The following ZFHX3 variants were observed in gnomAD, a reference collection of about 807,000 sequenced individuals.
The protein encoded by ZFHX3 is zinc finger homeobox protein 3.
ZFHX3 carries 42 observed loss-of-function variants against 279.1 expected under a neutral mutation model. That is an observed-to-expected ratio of 0.15 (90% CI 0.12 to 0.19). The LOEUF is 0.19. Among genes scored for constraint, ZFHX3 ranks in the 10% least tolerant of loss-of-function variants. ZFHX3 has a pLI of 1.00. For missense variants in ZFHX3, 4,981 were observed against 4,754.0 expected (o/e 1.05, Z -1.40); for synonymous variants, 2,293 against 1,957.8 (o/e 1.17, Z -4.52).
intron 1 of ZFHX3, among the ~76,000 whole-genome samples, chr16:73,004,269 T>G (rs1597079758): frequency 1.4e-5 from 2 of 140,176 alleles, no homozygotes; most frequent in African/African-American, 5.3e-5. Flanking sequence ...CCTCCCAAAG[T>G]GCTAGGATTA....
chr16:72,967,263 A>G (rs1961885637), intron 1 of ZFHX3, among the ~76,000 whole-genome samples: 2 of 152,208 alleles, frequency 1.3e-5, no homozygotes. Context: ...GGGCTGGAGC[A>G]GGAAAAGTTC....
At chr16:73,133,539 G>A (rs73593188) in intron 6 of ZFHX3, among the ~76,000 whole-genome samples, 5,043 of 152,216 alleles carry the variant, frequency 0.033, 285 homozygotes, top group African/African-American at 0.11. Context: ...AAGAAGAGGA[G>A]ATTCGGACAC....
chr16:73,535,001 C>T (rs1200044764), intron 2 of ZFHX3, among the ~76,000 whole-genome samples: 4 of 151,416 alleles, frequency 2.6e-5, no homozygotes, highest in South Asian at 2.1e-4. Context: ...TTTGATTAAG[C>T]GATGTGATGG....
intron 7 of ZFHX3, among the ~76,000 whole-genome samples, chr16:73,124,410 C>T (rs986498382): frequency 3.3e-5 from 5 of 152,198 alleles, no homozygotes; most frequent in Non-Finnish European, 7.3e-5. Flanking sequence ...AGCTCCACCC[C>T]TATGACCTAA....
rs140524635 is a variant in ZFHX3 at position 73,775,182 on chromosome 16, A to T, written c.-1607-94942T>A. The stretch of plus-strand genomic sequence containing the variant: ...AGAATATCCTTCTCAGGTTTAGCAC[A>T]GTCCCTCAAGGTAAGCACCTTCAAC... On this transcript the variant is annotated intron_variant, in intron 1 of 17. Coordinates refer to the ZFHX3 transcript ENST00000641206. Among the ~76,000 whole-genome samples the T allele has an allele frequency of 3.9e-5, 6 of 152,352 alleles. No homozygotes were observed. The East Asian group carries it at 1.2e-3, about 29-fold the overall frequency.
intron 2 of ZFHX3, among the ~76,000 whole-genome samples, chr16:73,523,282 C>T (rs2019637708): frequency 1.3e-5 from 2 of 152,216 alleles, no homozygotes; most frequent in Non-Finnish European, 2.9e-5. Context: ...ACAGCACCTG[C>T]TTGGTACAAT....
intron 3 of ZFHX3, among the ~76,000 whole-genome samples, chr16:73,327,255 A>G (rs2015709067): frequency 6.6e-6 from 1 of 152,148 alleles, no homozygotes; most frequent in African/African-American, 2.4e-5. Context: ...ATGGCATGTG[A>G]GCTGATTTTA....
At chr16:73,142,164 C>G (rs982029322) in intron 6 of ZFHX3, among the ~76,000 whole-genome samples, 4 of 152,160 alleles carry the variant, frequency 2.6e-5, no homozygotes, top group South Asian at 2.1e-4. Context: ...TCCTCTTAAC[C>G]AGCTGAGTGA....
At chr16:73,187,477 T>C (rs989618302) in intron 5 of ZFHX3, among the ~76,000 whole-genome samples, 2 of 152,120 alleles carry the variant, frequency 1.3e-5, no homozygotes, top group Non-Finnish European at 2.9e-5. Context: ...TTAAAAAAAC[T>C]GCAATGCCGA....
At chr16:73,273,995 T>G (rs2014225962) in intron 4 of ZFHX3, among the ~76,000 whole-genome samples, 2 of 152,026 alleles carry the variant, frequency 1.3e-5, no homozygotes, top group South Asian at 2.1e-4. Context: ...ATACAAAAAA[T>G]TAGCTAGGCA....
chr16:73,164,862 C>A (rs1967322689), intron 5 of ZFHX3, among the ~76,000 whole-genome samples: 1 of 152,170 alleles, frequency 6.6e-6, no homozygotes, highest in Admixed American at 6.5e-5. Context: ...ACCTATTACA[C>A]AGATGAGGCA....
At chr16:73,128,243 C>T (rs1966607127) in intron 7 of ZFHX3, among the ~76,000 whole-genome samples, 1 of 152,136 alleles carries the variant, frequency 6.6e-6, no homozygotes, top group African/African-American at 2.4e-5. Flanking sequence ...TGGTCTATTT[C>T]TTAATCCACC....
chr16:73,806,922 C>T (rs1268828890), intron 1 of ZFHX3, among the ~76,000 whole-genome samples: 1 of 152,114 alleles, frequency 6.6e-6, no homozygotes, highest in Non-Finnish European at 1.5e-5. Context: ...GAGGCTAACT[C>T]AAGGGAATGC....
At chr16:73,169,300 T>C (rs1050087864) in intron 5 of ZFHX3, among the ~76,000 whole-genome samples, 17 of 152,224 alleles carry the variant, frequency 1.1e-4, no homozygotes, top group Non-Finnish European at 2.2e-4. Flanking sequence ...GAACTTTTCC[T>C]ACATTTCAAG....
At position 73,655,160 on chromosome 16, in the gene ZFHX3, C is replaced by T. The variant is rs114748654; in HGVS notation, c.-1547+25020G>A. Among the ~76,000 whole-genome samples, 1,403 of 152,188 alleles carry T rather than the reference C, an allele frequency of 9.2e-3. 11 individuals carry two copies. The highest frequency in any genetic ancestry group is 0.032 in the African/African-American group (1,318 of 41,512). Reference sequence around the variant, plus strand: ...ACAGGCGTGAGCCACCACACCCGGCCGTAATCATCACATTTAAAGATGAAA... The same window carrying T: ...ACAGGCGTGAGCCACCACACCCGGCTGTAATCATCACATTTAAAGATGAAA... On this transcript the variant is annotated intron_variant, in intron 2 of 17. Coordinates refer to the ZFHX3 transcript ENST00000641206.
rs1394462490 is a variant in ZFHX3, at chr16:72,958,625, G to A, written c.1521C>T (p.Pro507=). The change falls in exon 2 of 10, where the codon CCC becomes CCT. Residue 507 remains proline (P), a synonymous_variant. Coordinates refer to ENST00000268489, the MANE Select transcript of ZFHX3 (RefSeq NM_006885.4). The part of the protein sequence containing the change: ...SELDEELEDR[P]HEEPGAAAGS... ...CTGCTGCGGCCCCAGGCTCCTCATG[G>A]GGCCTGTCCTCCAGTTCCTCATCCA... 1.2e-6 allele frequency: 2 copies of A among 1,614,042 alleles called. No homozygotes were observed. The highest frequency in any genetic ancestry group is 1.7e-6 in the Non-Finnish European group (2 of 1,179,990).
At chr16:72,969,675 G>A (rs1370318796) in intron 1 of ZFHX3, among the ~76,000 whole-genome samples, 2 of 152,162 alleles carry the variant, frequency 1.3e-5, no homozygotes, top group African/African-American at 4.8e-5. Context: ...CAGATTCCAA[G>A]AGAAGGTGAA....
intron 3 of ZFHX3, among the ~76,000 whole-genome samples, chr16:72,911,147 A>C (rs1239937213): frequency 6.6e-6 from 1 of 152,254 alleles, no homozygotes; most frequent in Non-Finnish European, 1.5e-5. Flanking sequence ...TGAGAAGCTC[A>C]GCTTCACCAG....
chr16:73,580,999 A>G (rs956201310), intron 2 of ZFHX3, among the ~76,000 whole-genome samples: 1 of 151,842 alleles, frequency 6.6e-6, no homozygotes, highest in Non-Finnish European at 1.5e-5. Flanking sequence ...AATGGTATTT[A>G]GAGATCACAG....
Sources: allele counts gnomAD v4.1 joint callset (sites outside exome capture counted in the v4.1 genomes callset), GRCh38; gene constraint gnomAD v4.1.1; transcripts MANE v1.5; gene names NCBI Gene and HGNC (gene_info 2026-07-23, HGNC 2026-07-21).